RYR2: variants seen among roughly 807,000 people sequenced by gnomAD.
RYR2 encodes ryanodine receptor 2.
Under a neutral mutation model 601.1 loss-of-function variants are expected in RYR2, and 227 were observed. The observed-to-expected ratio is 0.38, with a 90% CI of 0.34 to 0.42. The LOEUF (loss-of-function observed/expected upper bound fraction) is 0.42. RYR2 is among the 10% of genes least tolerant of loss of function. RYR2 has a pLI of 1.00. For missense variants in RYR2, 4,646 were observed against 6,156.5 expected (o/e 0.75, Z 8.21); for synonymous variants, 2,223 against 2,175.1 (o/e 1.02, Z -0.61).
intron 1 of RYR2, among the ~76,000 whole-genome samples, chr1:237,257,736 C>A (rs1381398844): frequency 6.6e-6 from 1 of 151,930 alleles, no homozygotes; most frequent in Non-Finnish European, 1.5e-5. Context: ...TATGAAGGAA[C>A]TGGAGAGATA....
At chr1:237,581,734 A>AG (rs1673939028) in intron 29 of RYR2, among the ~76,000 whole-genome samples, 1 of 152,180 alleles carries the variant, frequency 6.6e-6, no homozygotes, top group Non-Finnish European at 1.5e-5. Flanking sequence ...CTTTACCATA[A>AG]CAGCTGAAGT....
intron 56 of RYR2, among the ~76,000 whole-genome samples, chr1:237,661,175 A>G (rs1482199410): frequency 6.6e-6 from 1 of 152,122 alleles, no homozygotes; most frequent in African/African-American, 2.4e-5. Flanking sequence ...CCTGGCTAGT[A>G]TAGAAGAAGT....
intron 92 of RYR2, 46 bp downstream of exon 92, chr1:237,788,181 C>G (rs201337137): frequency 1.0e-5 from 15 of 1,484,948 alleles, no homozygotes; most frequent in Non-Finnish European, 1.3e-5. Context: ...AGTGCAATAC[C>G]GTAATAATTT....
At chr1:237,625,467 AAG>A (rs534367925) in intron 39 of RYR2, among the ~76,000 whole-genome samples, 192 bp from the exon 40 acceptor site, 4 of 152,202 alleles carry the variant, frequency 2.6e-5, no homozygotes, top group African/African-American at 7.2e-5. Context: ...ATAGAACAAA[AAG>A]AGAGAGGAAG....
chr1:237,723,070 TG>T (rs1689885900), intron 73 of RYR2, 57 bp from the exon 74 acceptor site: 2 of 1,486,138 alleles, frequency 1.3e-6, no homozygotes, highest in Non-Finnish European at 1.8e-6. Flanking sequence ...ATCTTTAGAT[TG>T]TAACCTTGTT....
intron 56 of RYR2, among the ~76,000 whole-genome samples, chr1:237,665,664 G>A (rs61832666): frequency 0.057 from 8,748 of 152,248 alleles, 348 homozygotes; most frequent in Non-Finnish European, 0.09. Flanking sequence ...AGGCACAGAA[G>A]CCAGGGTGCT....
At chr1:237,381,403 A>G (rs1468063183) in intron 8 of RYR2, among the ~76,000 whole-genome samples, 1 of 152,186 alleles carries the variant, frequency 6.6e-6, no homozygotes, top group African/African-American at 2.4e-5. Context: ...CATCTTCTGA[A>G]GAGATGCTGG....
At position 237,723,143 on chromosome 1, in the gene RYR2, A is replaced by G. The variant is rs762056167; in HGVS notation, c.10570A>G (p.Ile3524Val). 3 of 1,609,368 alleles carry G rather than the reference A, an allele frequency of 1.9e-6. No individual in the cohort carries two copies. Among genetic ancestry groups the G allele is most frequent in the Non-Finnish European group, 2.5e-6 (3 of 1,178,482 alleles). Residue 3524 changes from isoleucine (I) to valine (V), a missense_variant, in exon 74 of 105, where the codon ATT becomes GTT. Ile to Val is a conservative substitution (Grantham distance 29). Coordinates refer to ENST00000366574, the MANE Select transcript of RYR2 (RefSeq NM_001035.3). Reference protein sequence around the residue: ...HLQGKLEDPAIRWQMALYKDL... With the variant: ...HLQGKLEDPAVRWQMALYKDL... ...TTTTCTGCAGTTGGAGGATCCTGCT[A>G]TTAGATGGCAAATGGCTCTTTACAA...
chr1:237,065,269 C>CTTTTTTTTTTTTTTT lies in RYR2; in HGVS notation c.48+22713_48+22727dup, dbSNP rs766039441. 7.7e-5 allele frequency among the ~76,000 whole-genome samples: 6 copies of CTTTTTTTTTTTTTTT among 77,508 alleles called. 2 individuals are homozygous for CTTTTTTTTTTTTTTT. The highest frequency in any genetic ancestry group is 1.0e-4 in the African/African-American group (2 of 19,192). The allele number at this position is 77,508 out of a possible 152,430, so 50.8% of individuals were successfully genotyped here. On this transcript the variant is annotated intron_variant, in intron 1 of 104. Transcript: ENST00000366574. ...CCTCAAAGAGCTCTTGTGTGCTATC[C>CTTTTTTTTTTTTTTT]TTTTTTTTTTTTTTTTTTTTTTTTT...
Position 237,650,055 on chromosome 1 carries a change from C to T in RYR2, c.7691C>T (p.Ala2564Val), listed in dbSNP as rs770109712. ...TCTAAGGGCTGTTCACTTACCAAAG[C>T]TCAGCGGGATTCCATAGAAGTTTGT... The part of the protein sequence containing the change: ...RLSKGCSLTK[A>V]QRDSIEVCLL... Residue 2564 changes from alanine to valine, a missense_variant, in exon 50 of 105, where the codon GCT becomes GTT. Coordinates refer to ENST00000366574, the MANE Select transcript of RYR2 (RefSeq NM_001035.3). 9 of 1,614,030 alleles carry T rather than the reference C, an allele frequency of 5.6e-6. No homozygotes were observed. The South Asian group carries it at 9.9e-5, about 18-fold the overall frequency.
chr1:237,452,163 T>A (rs1309163105), intron 14 of RYR2, among the ~76,000 whole-genome samples: 2 of 148,272 alleles, frequency 1.3e-5, no homozygotes, highest in Non-Finnish European at 3.0e-5. Flanking sequence ...ATATATAATG[T>A]GTGTGTATAC....
chr1:237,481,809 C>CA (rs553197529), intron 17 of RYR2, among the ~76,000 whole-genome samples: 1,590 of 46,704 alleles, frequency 0.034, 79 homozygotes, highest in Non-Finnish European at 0.046. Context: ...TGCTGTGTAG[C>CA]AAAAAAAAAA....
intron 90 of RYR2, 178 bp downstream of exon 90, chr1:237,785,150 A>G (rs1297637788): frequency 4.8e-6 from 3 of 626,124 alleles, no homozygotes; most frequent in Non-Finnish European, 8.5e-6. Context: ...CTTATGAATT[A>G]TTAAATTATC....
At chr1:237,179,972 G>A (rs1209769512) in intron 1 of RYR2, among the ~76,000 whole-genome samples, 2 of 152,104 alleles carry the variant, frequency 1.3e-5, no homozygotes, top group African/African-American at 2.4e-5. Context: ...GCAGAGCAAG[G>A]TTTCAGATTG....
At chr1:237,479,579 C>A (rs191592197) in intron 17 of RYR2, among the ~76,000 whole-genome samples, 1 of 149,640 alleles carries the variant, frequency 6.7e-6, no homozygotes, top group East Asian at 2.2e-4. Context: ...GAAGAACTTG[C>A]TCCAGGGGAT....
chr1:237,643,623 T>TTG (rs1381690998), intron 48 of RYR2, among the ~76,000 whole-genome samples, 176 bp downstream of exon 48: 1 of 151,622 alleles, frequency 6.6e-6, no homozygotes, highest in Non-Finnish European at 1.5e-5. Flanking sequence ...TTTTTCCTTT[T>TTG]TTTTTTTGAA....
chr1:237,293,880 T>C (rs2111737), intron 2 of RYR2, among the ~76,000 whole-genome samples: 54,623 of 151,812 alleles, frequency 0.36, 9,889 homozygotes, highest in South Asian at 0.4. Context: ...TCATTGGCCA[T>C]TGGTAATCAA....
chr1:237,678,227 C>A (rs1005748946), intron 61 of RYR2, 115 bp downstream of exon 61: 2 of 617,578 alleles, frequency 3.2e-6, no homozygotes, highest in African/African-American at 3.6e-5. Context: ...TTTTACTGCA[C>A]GTAAATATTC....
At chr1:237,336,727 C>A (rs1483544390) in intron 3 of RYR2, among the ~76,000 whole-genome samples, 1 of 151,888 alleles carries the variant, frequency 6.6e-6, no homozygotes, top group East Asian at 1.9e-4. Context: ...TGTGGTGGCG[C>A]ACACCTGTAA....
Sources: gnomAD v4.1 joint callset for allele counts (sites outside exome capture counted in the v4.1 genomes callset) on GRCh38, gnomAD v4.1.1 for gene constraint, MANE v1.5 for transcripts, NCBI Gene and HGNC (gene_info 2026-07-23, HGNC 2026-07-21) for gene names.